Variants in HDX observed in about 807,000 individuals in gnomAD.
The protein encoded by HDX is highly divergent homeobox.
Under a neutral mutation model 45.2 loss-of-function variants are expected in HDX, and 19 were observed. The observed-to-expected ratio is 0.42, with a 90% CI of 0.29 to 0.62. The LOEUF is 0.62. Ranked by LOEUF, HDX falls within the 20% of genes least tolerant of loss-of-function variation. The probability of loss-of-function intolerance (pLI) is 0.20; values close to 1 mark genes in which losing one functional copy is unlikely to be tolerated. For synonymous variants in HDX, 188 were observed against 172.8 expected (o/e 1.09, Z -0.69); for missense variants, 532 against 493.9 (o/e 1.08, Z -0.73).
intron 6 of HDX, among the ~76,000 whole-genome samples, chrX:84,356,683 C>T (rs747814794): frequency 1.3e-4 from 12 of 89,876 alleles, no homozygotes; most frequent in Admixed American, 2.9e-4. Context: ...AGTGCAGTGG[C>T]GCGATCTCGC....
intron 4 of HDX, among the ~76,000 whole-genome samples, chrX:84,464,840 T>A (rs1042496245): frequency 1.9e-4 from 21 of 111,554 alleles, no homozygotes; most frequent in African/African-American, 6.8e-4. Flanking sequence ...CTAATTAAAC[T>A]AAAGAGCTTC....
intron 5 of HDX, among the ~76,000 whole-genome samples, chrX:84,415,928 G>A (rs1022815378): frequency 1.8e-5 from 2 of 112,149 alleles, no homozygotes; most frequent in Admixed American, 9.4e-5. Flanking sequence ...CTGATTTGAT[G>A]TTCATAACTA....
At chrX:84,448,742 G>A (rs1450181492) in intron 4 of HDX, among the ~76,000 whole-genome samples, 2 of 110,622 alleles carry the variant, frequency 1.8e-5, no homozygotes, top group Non-Finnish European at 3.8e-5. Flanking sequence ...GAAAAGACAA[G>A]GAAATATGAT....
In HDX at chrX:84,482,095, ATT is replaced by A. The variant is rs1293825719; in HGVS notation, c.-1+5927_-1+5928del. 1.8e-4 allele frequency among the ~76,000 whole-genome samples: 20 copies of A among 111,673 alleles called. No individual in the cohort carries two copies. The Admixed American group carries it at 1.9e-3, about 11-fold the overall frequency. ...GTATTTCATGTTGTATATGTACCAC[ATT>A]TTCTTTGTCTAATCCACTATTGATA... On this transcript the variant is annotated intron_variant, in intron 2 of 10. Coordinates refer to ENST00000373177, the MANE Select transcript of HDX (RefSeq NM_001177479.2).
chrX:84,438,334 T>C (rs1441408137), intron 5 of HDX, among the ~76,000 whole-genome samples: 2 of 111,803 alleles, frequency 1.8e-5, no homozygotes, highest in East Asian at 5.6e-4. Context: ...AAGTCCTAGC[T>C]TCATTTTTAT....
At chrX:84,414,985 A>G (rs1185611161) in intron 5 of HDX, among the ~76,000 whole-genome samples, 1 of 112,530 alleles carries the variant, frequency 8.9e-6, no homozygotes, top group Non-Finnish European at 1.9e-5. Context: ...AAAACATCAG[A>G]ACAACCACCA....
chrX:84,392,330 T>C (rs1468070965), intron 5 of HDX, among the ~76,000 whole-genome samples: 1 of 111,366 alleles, frequency 9.0e-6, no homozygotes, highest in Non-Finnish European at 1.9e-5. Context: ...TTGTAATATA[T>C]TTTGAAGTTA....
intron 9 of HDX, among the ~76,000 whole-genome samples, chrX:84,326,630 A>G (rs2036716322): frequency 9.0e-6 from 1 of 111,299 alleles, no homozygotes; most frequent in Non-Finnish European, 1.9e-5. Context: ...TTAAGAATAA[A>G]GGTTGGGTGC....
intron 5 of HDX, among the ~76,000 whole-genome samples, chrX:84,434,936 G>A (rs1205483084): frequency 1.0e-4 from 11 of 109,885 alleles, no homozygotes; most frequent in Non-Finnish European, 2.1e-4. Context: ...TTTCTTTCAG[G>A]TTTTCTAATT....
At chrX:84,383,474 G>T (rs776776400) in intron 5 of HDX, among the ~76,000 whole-genome samples, 5 of 111,129 alleles carry the variant, frequency 4.5e-5, no homozygotes, top group African/African-American at 9.8e-5. Context: ...ATATTAATGC[G>T]CATTTCATGG....
At chrX:84,405,317 A>G (rs901299564) in intron 5 of HDX, among the ~76,000 whole-genome samples, 1 of 110,163 alleles carries the variant, frequency 9.1e-6, no homozygotes, top group Non-Finnish European at 1.9e-5. Context: ...TACAAACCAG[A>G]CCAATACTTT....
Position 84,354,930 on chromosome X carries a change from C to CATAT in HDX, c.1452+6532_1452+6535dup, listed in dbSNP as rs72331919. 5.7e-3 allele frequency among the ~76,000 whole-genome samples: 424 copies of CATAT among 74,606 alleles called. 5 individuals carry two copies. Among genetic ancestry groups the CATAT allele is most frequent in the Non-Finnish European group, 7.9e-3 (314 of 39,958 alleles). The allele number at this position is 74,606 out of a possible 115,157, so 64.8% of individuals were successfully genotyped here. On this transcript the variant is annotated intron_variant, in intron 6 of 10. Coordinates refer to ENST00000373177, the MANE Select transcript of HDX (RefSeq NM_001177479.2). Reference sequence around the variant, plus strand: ...ACATATATATATATACACACACACACATATATATATATATATATATATATA... The same window carrying CATAT: ...ACATATATATATATACACACACACACATATATATATATATATATATATATATATA...
intron 5 of HDX, among the ~76,000 whole-genome samples, chrX:84,422,354 C>T (rs756887257): frequency 9.0e-6 from 1 of 111,063 alleles, no homozygotes; most frequent in Non-Finnish European, 1.9e-5. Context: ...CATATCCAAA[C>T]CTATGGGATA....
At chrX:84,336,971 A>G in intron 7 of HDX, 91 bp from the exon 8 acceptor site, 1 of 566,620 alleles carries the variant, frequency 1.8e-6, no homozygotes, top group South Asian at 3.3e-5. Context: ...TTTCTCTATT[A>G]TAAAAAGACA....
intron 6 of HDX, among the ~76,000 whole-genome samples, chrX:84,346,405 ATGAG>A (rs2037205634): frequency 8.9e-6 from 1 of 111,826 alleles, no homozygotes; most frequent in African/African-American, 3.2e-5. Flanking sequence ...TGGAAAGAAA[ATGAG>A]TGAGTATGGC....
chrX:84,362,134 A>G (rs955293310), intron 5 of HDX, among the ~76,000 whole-genome samples: 4 of 111,695 alleles, frequency 3.6e-5, no homozygotes, highest in Non-Finnish European at 5.6e-5. Context: ...TGAATTAAAA[A>G]GGTAAATAAG....
At chrX:84,349,348 A>G (rs1410532557) in intron 6 of HDX, among the ~76,000 whole-genome samples, 1 of 108,372 alleles carries the variant, frequency 9.2e-6, no homozygotes, top group Non-Finnish European at 1.9e-5. Flanking sequence ...ACCAGAAACT[A>G]GAAGTCCAAT....
chrX:84,352,678 A>G (rs2037387759), intron 6 of HDX, among the ~76,000 whole-genome samples: 1 of 111,645 alleles, frequency 9.0e-6, no homozygotes. Context: ...TTAAATTATT[A>G]TTGACTCTAG....
At chrX:84,391,314 G>T (rs2033500943) in intron 5 of HDX, among the ~76,000 whole-genome samples, 1 of 111,656 alleles carries the variant, frequency 9.0e-6, no homozygotes, top group Non-Finnish European at 1.9e-5. Context: ...ACATACCATT[G>T]TGTATATATA....
Sources: gnomAD v4.1 joint callset for allele counts (sites outside exome capture counted in the v4.1 genomes callset) on GRCh38, gnomAD v4.1.1 for gene constraint, MANE v1.5 for transcripts, NCBI Gene and HGNC (gene_info 2026-07-23, HGNC 2026-07-21) for gene names.